HLTF: variants seen among roughly 807,000 people sequenced by gnomAD.
HLTF encodes DNA-dependent ATPase/E3 ubiquitin-protein ligase HLTF.
Under a neutral mutation model 129.4 loss-of-function variants are expected in HLTF, and 127 were observed. That is an observed-to-expected ratio of 0.98 (90% CI 0.85 to 1.14). The LOEUF (loss-of-function observed/expected upper bound fraction) is 1.14, where lower values mean the gene tolerates loss of function less well. Ranked by LOEUF, HLTF falls within the 50% of genes most tolerant of loss-of-function variation. The pLI, the probability that HLTF is intolerant of heterozygous loss-of-function variation, is 0.00. For missense variants in HLTF, 1,139 were observed against 1,187.1 expected (o/e 0.96, Z 0.60); for synonymous variants, 332 against 388.8 (o/e 0.85, Z 1.72).
chr3:149,054,917 A>C (rs932914218), intron 14 of HLTF, among the ~76,000 whole-genome samples: 6 of 152,246 alleles, frequency 3.9e-5, no homozygotes, highest in Admixed American at 3.9e-4. Context: ...GGAGTTCACT[A>C]ACTGTTGTTA....
chr3:149,078,595 C>A (rs148878590), intron 2 of HLTF, among the ~76,000 whole-genome samples: 1 of 152,086 alleles, frequency 6.6e-6, no homozygotes, highest in African/African-American at 2.4e-5. Context: ...CAGTGGCTCA[C>A]GCCTGTAATC....
intron 2 of HLTF, among the ~76,000 whole-genome samples, chr3:149,079,632 C>T (rs1342335331): frequency 6.6e-6 from 1 of 151,944 alleles, no homozygotes; most frequent in Non-Finnish European, 1.5e-5. Context: ...GTCTTGCTGT[C>T]ACCAGGCTGG....
rs772054660 is a variant in HLTF, at chr3:149,068,326, G to C, written c.904C>G (p.Leu302Val). ...LADDMGLGKT[L>V]TAIAVILTNF... ...GTAAGGATTACTGCAATGGCCGTAA[G>C]AGTTTTACCCTTAAAAATGTTTTAA... Residue 302 changes from leucine (L) to valine (V), a missense_variant, in exon 8 of 25, where the codon CTT becomes GTT. By Grantham distance (32) the Leu-to-Val change is conservative. Transcript: ENST00000310053. The C allele has an allele frequency of 2.2e-5, 32 of 1,463,998 alleles. No individual in the cohort carries two copies. The highest frequency in any genetic ancestry group is 2.9e-5 in the Non-Finnish European group (31 of 1,054,806). 90.7% of individuals were successfully genotyped at this position (1,463,998 alleles called of 1,614,324 possible).
At chr3:149,071,466 C>G (rs369064202) in intron 6 of HLTF, 23 bp from the exon 7 acceptor site, 1 of 1,573,934 alleles carries the variant, frequency 6.4e-7, no homozygotes, top group Non-Finnish European at 8.7e-7. Flanking sequence ...AGTCATAAAG[C>G]GAAATACATT....
intron 10 of HLTF, among the ~76,000 whole-genome samples, chr3:149,062,549 T>C (rs1489901845): frequency 6.6e-6 from 1 of 152,216 alleles, no homozygotes; most frequent in Non-Finnish European, 1.5e-5. Flanking sequence ...AAAAGCCCAA[T>C]TTTTAGACCT....
chr3:149,040,548 CT>C (rs971718749), intron 20 of HLTF, among the ~76,000 whole-genome samples: 4 of 151,802 alleles, frequency 2.6e-5, no homozygotes, highest in African/African-American at 9.7e-5. Context: ...AGCTATTAAG[CT>C]TATAAAGCTT....
intron 2 of HLTF, among the ~76,000 whole-genome samples, chr3:149,081,200 A>G (rs1480802767): frequency 2.6e-5 from 4 of 152,004 alleles, no homozygotes; most frequent in Admixed American, 2.0e-4. Flanking sequence ...AATAAACCAC[A>G]TTATAAAATA....
rs763293274 is a variant in HLTF, at chr3:149,046,272, A to C, written c.1893-13T>G. On this transcript the variant is annotated splice_polypyrimidine_tract_variant and intron_variant, in intron 17 of 24. Coordinates refer to ENST00000310053, the MANE Select transcript of HLTF (RefSeq NM_003071.4). ...GGACTGTAAACGCCTAATCAGAATA[A>C]AACAAATAATTATGTAACTTTTAAT... 7.4e-7 allele frequency: 1 copy of C among 1,349,442 alleles called. No individual in the cohort carries two copies. Among genetic ancestry groups the C allele is most frequent in the South Asian group, 1.3e-5 (1 of 75,108 alleles). 83.6% of individuals were successfully genotyped at this position (1,349,442 alleles called of 1,614,324 possible).
At position 149,050,387 on chromosome 3, in the gene HLTF, T is replaced by C. The variant is rs1716887791; in HGVS notation, c.1474-12A>G. The C allele has an allele frequency of 1.3e-6, 2 of 1,535,196 alleles. No individual in the cohort carries two copies. The highest frequency in any genetic ancestry group is 2.3e-5 in the East Asian group (1 of 43,158). On this transcript the variant is annotated splice_polypyrimidine_tract_variant and intron_variant, in intron 14 of 24. Coordinates refer to ENST00000310053, the MANE Select transcript of HLTF (RefSeq NM_003071.4). ...TGTCCAAACTGGTCCTAAAGAAAAA[T>C]TAGGAATATTTTTAACAATGAGCAG...
chr3:149,063,787 T>C (rs891173580), intron 9 of HLTF, among the ~76,000 whole-genome samples: 1 of 152,074 alleles, frequency 6.6e-6, no homozygotes, highest in Non-Finnish European at 1.5e-5. Context: ...TGTCTTGCTG[T>C]ACCAAGGCAG....
chr3:149,058,520 A>G (rs2108011977), intron 13 of HLTF, among the ~76,000 whole-genome samples: 1 of 152,342 alleles, frequency 6.6e-6, no homozygotes, highest in South Asian at 2.1e-4. Context: ...AAGTTCTTAC[A>G]TAGTCTAGAA....
intron 24 of HLTF, among the ~76,000 whole-genome samples, chr3:149,032,963 A>AAAAAAC (rs1715247242): frequency 7.3e-6 from 1 of 136,742 alleles, no homozygotes; most frequent in Non-Finnish European, 1.6e-5. Context: ...GTCTCAAAAA[A>AAAAAAC]AAAAAAAAAA....
At chr3:149,068,187 G>T in intron 8 of HLTF, 53 bp downstream of exon 8, 1 of 731,966 alleles carries the variant, frequency 1.4e-6, no homozygotes, top group South Asian at 1.8e-5. Flanking sequence ...GAAATTTAAA[G>T]ATTTCACAAT....
intron 2 of HLTF, among the ~76,000 whole-genome samples, chr3:149,080,979 T>C (rs1340288702): frequency 6.6e-6 from 1 of 152,128 alleles, no homozygotes; most frequent in Admixed American, 6.5e-5. Flanking sequence ...CCTATAGAAG[T>C]GTACCATTTT....
intron 9 of HLTF, 137 bp downstream of exon 9, chr3:149,064,654 T>C (rs576414744): frequency 2.1e-4 from 117 of 565,220 alleles, no homozygotes; most frequent in African/African-American, 2.1e-3. Context: ...AAAAAAGAGA[T>C]CCTAAATTTT....
intron 18 of HLTF, among the ~76,000 whole-genome samples, chr3:149,045,579 A>G (rs1037145658): frequency 5.3e-5 from 8 of 152,126 alleles, no homozygotes; most frequent in Admixed American, 2.6e-4. Flanking sequence ...TCTAATTCCT[A>G]TCAAACCTGC....
At chr3:149,073,483 C>G (rs887871096) in intron 4 of HLTF, among the ~76,000 whole-genome samples, 161 bp from the exon 5 acceptor site, 7 of 152,178 alleles carry the variant, frequency 4.6e-5, no homozygotes, top group Non-Finnish European at 1.0e-4. Flanking sequence ...TGCCTGAGTC[C>G]AGTAGTTTGA....
At chr3:149,067,810 AT>A (rs2108035578) in intron 8 of HLTF, among the ~76,000 whole-genome samples, 1 of 152,298 alleles carries the variant, frequency 6.6e-6, no homozygotes, top group Non-Finnish European at 1.5e-5. Flanking sequence ...TTCAAAGATT[AT>A]AAACAATTTT....
chr3:149,067,447 C>CTGA (rs1718482544), intron 8 of HLTF, among the ~76,000 whole-genome samples: 1 of 152,062 alleles, frequency 6.6e-6, no homozygotes, highest in Non-Finnish European at 1.5e-5. Flanking sequence ...AGTTTTATGG[C>CTGA]TATATCGTTT....
Sources: gnomAD v4.1 joint callset for allele counts (sites outside exome capture counted in the v4.1 genomes callset) on GRCh38, gnomAD v4.1.1 for gene constraint, MANE v1.5 for transcripts, NCBI Gene and HGNC (gene_info 2026-07-23, HGNC 2026-07-21) for gene names.